The following IGF2BP3 variants were observed in gnomAD, a reference collection of about 807,000 sequenced individuals.
IGF2BP3 encodes insulin-like growth factor 2 mRNA-binding protein 3.
In IGF2BP3, 9 loss-of-function variants were observed where a neutral mutation model predicts 73.8. The observed-to-expected ratio is 0.12, with a 90% CI of 0.07 to 0.21. The LOEUF (loss-of-function observed/expected upper bound fraction) is 0.21. IGF2BP3 is among the 10% of genes least tolerant of loss of function. IGF2BP3 has a pLI of 1.00. For synonymous variants in IGF2BP3, 258 were observed against 256.7 expected, an observed-to-expected ratio of 1.01 and a Z score of -0.05; for missense variants, 542 against 714.0, an observed-to-expected ratio of 0.76 and a Z score of 2.75.
intron 7 of IGF2BP3, among the ~76,000 whole-genome samples, chr7:23,347,161 A>G (rs967036216): frequency 1.3e-5 from 2 of 152,118 alleles, no homozygotes; most frequent in Non-Finnish European, 2.9e-5. Flanking sequence ...TGCATTACCC[A>G]GATAAATCTC....
chr7:23,350,503 G>C (rs1194865482), intron 6 of IGF2BP3, among the ~76,000 whole-genome samples: 1 of 151,854 alleles, frequency 6.6e-6, no homozygotes, highest in Non-Finnish European at 1.5e-5. Context: ...AGCTTCTTTG[G>C]GTCAAAAAAT....
At chr7:23,452,232 C>T (rs1252250371) in intron 2 of IGF2BP3, among the ~76,000 whole-genome samples, 4 of 151,934 alleles carry the variant, frequency 2.6e-5, no homozygotes, top group Admixed American at 2.0e-4. Flanking sequence ...TCTCAATCTC[C>T]TAACCTCGTG....
chr7:23,323,068 A>G (rs1456681340), intron 10 of IGF2BP3, among the ~76,000 whole-genome samples: 1 of 152,128 alleles, frequency 6.6e-6, no homozygotes, highest in Non-Finnish European at 1.5e-5. Flanking sequence ...TTCACACATA[A>G]CAATATTAAC....
intron 2 of IGF2BP3, among the ~76,000 whole-genome samples, chr7:23,421,014 CTT>C (rs1034012970): frequency 5.3e-5 from 8 of 152,024 alleles, no homozygotes; most frequent in Non-Finnish European, 1.2e-4. Flanking sequence ...TTTTCTTTTT[CTT>C]TTGTGTGTGT....
At chr7:23,378,401 G>GTTT (rs373876363) in intron 3 of IGF2BP3, among the ~76,000 whole-genome samples, 2 of 128,064 alleles carry the variant, frequency 1.6e-5, no homozygotes, top group African/African-American at 7.5e-5. Flanking sequence ...TCTCTTCTTG[G>GTTT]TTTTTTTTTG....
chr7:23,317,085 G>A (rs1381442462), intron 12 of IGF2BP3, among the ~76,000 whole-genome samples: 2 of 152,166 alleles, frequency 1.3e-5, no homozygotes, highest in East Asian at 3.8e-4. Context: ...CCATCTCTCA[G>A]TAGACATTGA....
intron 2 of IGF2BP3, among the ~76,000 whole-genome samples, chr7:23,466,753 T>C (rs62468788): frequency 0.1 from 15,779 of 152,252 alleles, 900 homozygotes; most frequent in Middle Eastern, 0.15. Context: ...GAAATTCCCA[T>C]CGGTTAGCAA....
intron 10 of IGF2BP3, among the ~76,000 whole-genome samples, chr7:23,339,408 G>C (rs1463623452): frequency 6.6e-6 from 1 of 152,154 alleles, no homozygotes; most frequent in Non-Finnish European, 1.5e-5. Context: ...ATAGGAACCT[G>C]ATACACAGAA....
At chr7:23,394,230 G>A (rs1786376803) in intron 3 of IGF2BP3, among the ~76,000 whole-genome samples, 1 of 152,114 alleles carries the variant, frequency 6.6e-6, no homozygotes, top group East Asian at 1.9e-4. Context: ...ACTTTGGCAG[G>A]CCAGGGCAAG....
At chr7:23,361,645 C>A in intron 4 of IGF2BP3, 45 bp downstream of exon 4, 1 of 1,612,994 alleles carries the variant, frequency 6.2e-7, no homozygotes, top group Non-Finnish European at 8.5e-7. Context: ...TTTCTTTCTA[C>A]TTCCTTCCTT....
At chr7:23,407,973 A>C (rs1478879221) in intron 3 of IGF2BP3, among the ~76,000 whole-genome samples, 1 of 73,468 alleles carries the variant, frequency 1.4e-5, no homozygotes, top group Non-Finnish European at 2.8e-5. Flanking sequence ...GGGGGGGGGG[A>C]GTCAATGTAA....
At chr7:23,354,928 C>T (rs1457391197) in intron 5 of IGF2BP3, among the ~76,000 whole-genome samples, 3 of 152,164 alleles carry the variant, frequency 2.0e-5, no homozygotes, top group Non-Finnish European at 2.9e-5. Flanking sequence ...ACAGGAGGAA[C>T]CTAACATGCA....
intron 3 of IGF2BP3, among the ~76,000 whole-genome samples, chr7:23,368,383 GA>G (rs369356112): frequency 3.4e-5 from 5 of 148,618 alleles, no homozygotes; most frequent in Admixed American, 2.7e-4. Flanking sequence ...AAGAAAGAAA[GA>G]AAAGAAGGCA....
Position 23,336,593 on chromosome 7 carries a change from C to A in IGF2BP3, c.1203+5471G>T, listed in dbSNP as rs533922084. Among the ~76,000 whole-genome samples, 11 of 152,114 alleles carry A rather than the reference C, an allele frequency of 7.2e-5. No homozygotes were observed. The South Asian group carries it at 2.3e-3, about 32-fold the overall frequency. ...CGATCTCGGCTCATTGCAACCTCCA[C>A]CTCCTCGGCTCATCGCAACGCCTGG... On this transcript the variant is annotated intron_variant, in intron 10 of 14. Coordinates refer to ENST00000258729, the MANE Select transcript of IGF2BP3 (RefSeq NM_006547.3).
chr7:23,400,462 G>C (rs1267224334), intron 3 of IGF2BP3, among the ~76,000 whole-genome samples: 1 of 152,036 alleles, frequency 6.6e-6, no homozygotes, highest in African/African-American at 2.4e-5. Flanking sequence ...CTCTGTGTTG[G>C]TGTGGCAGCC....
At chr7:23,397,190 T>C (rs1786504132) in intron 3 of IGF2BP3, among the ~76,000 whole-genome samples, 1 of 152,246 alleles carries the variant, frequency 6.6e-6, no homozygotes, top group African/African-American at 2.4e-5. Flanking sequence ...TCTGTTTTTT[T>C]GCGAGTTCAG....
chr7:23,352,212 G>A (rs1207292059), intron 5 of IGF2BP3, among the ~76,000 whole-genome samples: 8 of 144,808 alleles, frequency 5.5e-5, no homozygotes, highest in Non-Finnish European at 8.9e-5. Flanking sequence ...CAGGGGTGGT[G>A]ATAAACCAAA....
chr7:23,456,491 G>C (rs1788320644), intron 2 of IGF2BP3, among the ~76,000 whole-genome samples: 1 of 152,234 alleles, frequency 6.6e-6, no homozygotes. Context: ...AAGTACGGGA[G>C]AGCATGAGTC....
At chr7:23,350,363 C>T (rs1784929152) in intron 6 of IGF2BP3, among the ~76,000 whole-genome samples, 1 of 152,216 alleles carries the variant, frequency 6.6e-6, no homozygotes. Flanking sequence ...TCAAGGCTTG[C>T]ACAATGGTAT....
Sources: gnomAD v4.1 joint callset for allele counts (sites outside exome capture counted in the v4.1 genomes callset) on GRCh38, gnomAD v4.1.1 for gene constraint, MANE v1.5 for transcripts, NCBI Gene and HGNC (gene_info 2026-07-23, HGNC 2026-07-21) for gene names.